Variants in ADAMTSL3 observed in about 807,000 individuals in gnomAD.
The protein encoded by ADAMTSL3 is ADAMTS like 3, also known as ADAMTS-like protein 3.
ADAMTSL3 carries 128 observed loss-of-function variants against 201.7 expected under a neutral mutation model. The ratio of observed to expected loss-of-function variants is 0.63; its 90% confidence interval spans 0.55 to 0.73. The LOEUF (loss-of-function observed/expected upper bound fraction) is 0.73. Ranked by LOEUF, ADAMTSL3 falls within the 30% of genes least tolerant of loss-of-function variation. ADAMTSL3 has a pLI of 0.00. For missense variants in ADAMTSL3, 1,990 were observed against 2,119.6 expected (o/e 0.94, Z 1.20); for synonymous variants, 738 against 748.4 (o/e 0.99, Z 0.23).
intron 2 of ADAMTSL3, among the ~76,000 whole-genome samples, chr15:83,703,580 G>A (rs1189466969): frequency 7.9e-5 from 12 of 152,200 alleles, no homozygotes; most frequent in African/African-American, 2.4e-4. Context: ...AGGGGTTTCC[G>A]CTTTTGCATC....
At position 83,662,450 on chromosome 15, in the gene ADAMTSL3, T is replaced by C. The variant is rs374005440; in HGVS notation, c.69+6620T>C. Reference sequence around the variant, plus strand: ...GGGTGGGGGGAGGGGGGGATAGCATTGGGAGATATACCTAATGCTAGATGA... The same window carrying C: ...GGGTGGGGGGAGGGGGGGATAGCATCGGGAGATATACCTAATGCTAGATGA... On this transcript the variant is annotated intron_variant, in intron 2 of 29. Coordinates refer to ENST00000286744, the MANE Select transcript of ADAMTSL3 (RefSeq NM_207517.3). 1.9e-4 allele frequency among the ~76,000 whole-genome samples: 27 copies of C among 143,784 alleles called. No individual in the cohort carries two copies. In the East Asian group the frequency reaches 3.8e-3, roughly 20 times the overall value. The allele number at this position is 143,784 out of a possible 152,430, so 94.3% of individuals were successfully genotyped here. A position where few individuals can be genotyped will look rare whatever the true frequency, so the allele number is the denominator to read the frequency against.
intron 3 of ADAMTSL3, among the ~76,000 whole-genome samples, chr15:83,770,269 A>T (rs1005891484): frequency 1.3e-5 from 2 of 152,234 alleles, no homozygotes; most frequent in Admixed American, 6.5e-5. Flanking sequence ...AAAAACCATG[A>T]AAGTTCAAAT....
chr15:83,759,617 C>T (rs555623542), intron 3 of ADAMTSL3, among the ~76,000 whole-genome samples: 1 of 152,160 alleles, frequency 6.6e-6, no homozygotes, highest in East Asian at 1.9e-4. Context: ...GATGAAGATT[C>T]GTATCCAAGT....
At chr15:83,903,917 C>CAAAAAAAAAAAAAAAAAAA (rs1168502648) in intron 15 of ADAMTSL3, among the ~76,000 whole-genome samples, 26 of 19,260 alleles carry the variant, frequency 1.3e-3, no homozygotes, top group South Asian at 5.6e-3. Context: ...GACTCCACAT[C>CAAAAAAAAAAAAAAAAAAA]AAAAAAAAAA....
At chr15:83,680,388 G>A (rs2061461776) in intron 2 of ADAMTSL3, among the ~76,000 whole-genome samples, 1 of 151,966 alleles carries the variant, frequency 6.6e-6, no homozygotes, top group South Asian at 2.1e-4. Context: ...TGATGGGCAA[G>A]GGGGACATGA....
chr15:83,829,477 G>T (rs935583113), intron 6 of ADAMTSL3, among the ~76,000 whole-genome samples: 4 of 152,010 alleles, frequency 2.6e-5, no homozygotes, highest in African/African-American at 9.7e-5. Flanking sequence ...CAAAAAACCA[G>T]CTCCTGGATT....
intron 2 of ADAMTSL3, among the ~76,000 whole-genome samples, chr15:83,686,550 C>T (rs890356571): frequency 1.3e-5 from 2 of 152,078 alleles, no homozygotes; most frequent in African/African-American, 4.8e-5. Context: ...ATGTGGTGTT[C>T]TTGCAGTTAG....
At chr15:83,801,643 TAA>T (rs375801139) in intron 4 of ADAMTSL3, among the ~76,000 whole-genome samples, 13,752 of 39,972 alleles carry the variant, frequency 0.34, 2,250 homozygotes, top group East Asian at 0.56. Flanking sequence ...TATAAATATA[TAA>T]ATATAAATAT....
chr15:84,001,599 G>A lies in ADAMTSL3; in HGVS notation c.3973+10385G>A, dbSNP rs528703490. On this transcript the variant is annotated intron_variant, in intron 23 of 29. Coordinates refer to ENST00000286744, the MANE Select transcript of ADAMTSL3 (RefSeq NM_207517.3). ...TTTGAGACAGCAGAATAGGCACCAC[G>A]CAGGAGGTCTGACCAGAGAGAAGAC... Among the ~76,000 whole-genome samples the A allele has an allele frequency of 3.9e-5, 6 of 152,318 alleles. No homozygotes were observed. The East Asian group carries it at 9.6e-4, about 24-fold the overall frequency.
intron 26 of ADAMTSL3, 36 bp downstream of exon 26, chr15:84,021,629 A>G (rs770044953): frequency 1.3e-5 from 20 of 1,596,728 alleles, no homozygotes; most frequent in Non-Finnish European, 1.6e-5. Flanking sequence ...CATCAACACC[A>G]AGTTTTTGTT....
intron 22 of ADAMTSL3, 143 bp from the exon 23 acceptor site, chr15:83,990,943 A>G (rs1476653956): frequency 8.6e-7 from 1 of 1,160,978 alleles, no homozygotes; most frequent in Non-Finnish European, 1.2e-6. Context: ...GCACATCCCC[A>G]CGGTGCACCT....
rs1430630482 is a variant in ADAMTSL3 at position 84,016,381 on chromosome 15, AG to A, written c.4157-1del. 3.7e-6 allele frequency: 6 copies of A among 1,607,974 alleles called. No homozygotes were observed. Among genetic ancestry groups the A allele is most frequent in the Non-Finnish European group, 5.1e-6 (6 of 1,177,674 alleles). On this transcript the variant is annotated splice_acceptor_variant, in intron 24 of 29. Transcript: ENST00000286744. LOFTEE classifies it high-confidence loss of function. ...AAAAGTGCTACTTTTTTTTTTCCTC[AG>A]AACGAAGATGGCCAGAGAGTAGAAT... is the stretch of plus-strand genomic sequence containing the variant.
At chr15:83,917,419 GTA>G (rs1567235099) in intron 16 of ADAMTSL3, among the ~76,000 whole-genome samples, 2,327 of 148,744 alleles carry the variant, frequency 0.016, 62 homozygotes, top group African/African-American at 0.053. Flanking sequence ...CAAAGTGTGT[GTA>G]TGTATGTATG....
At chr15:83,686,194 G>C in intron 2 of ADAMTSL3, among the ~76,000 whole-genome samples, 1 of 152,132 alleles carries the variant, frequency 6.6e-6, no homozygotes, top group South Asian at 2.1e-4. Context: ...TTTAAAGAAG[G>C]GTATAGACCG....
rs2141953717 is a variant in ADAMTSL3, at chr15:84,037,925, CAG to C, written c.*122_*123del. The C allele has an allele frequency of 2.9e-6, 4 of 1,400,930 alleles. No individual in the cohort carries two copies. The South Asian group carries it at 4.9e-5, about 17-fold the overall frequency. The allele number at this position is 1,400,930 out of a possible 1,614,324, so 86.8% of individuals were successfully genotyped here. A position where few individuals can be genotyped will look rare whatever the true frequency, so the allele number is the denominator to read the frequency against. The stretch of plus-strand genomic sequence containing the variant: ...AAAAGACTAGATTCTATGGATCAAA[CAG>C]AGGTTGATGCAAAAACACCACTGTT... On this transcript the variant is annotated 3_prime_UTR_variant, in exon 30 of 30. Transcript: ENST00000286744.
At chr15:83,702,984 A>G (rs1427763572) in intron 2 of ADAMTSL3, among the ~76,000 whole-genome samples, 1 of 152,126 alleles carries the variant, frequency 6.6e-6, no homozygotes, top group Non-Finnish European at 1.5e-5. Flanking sequence ...ATACCCTGAA[A>G]AGCCACAAGG....
rs1250759933 is a variant in ADAMTSL3, at chr15:83,890,099, A to G, written c.1073-10A>G. 1 of 1,605,882 alleles carries G rather than the reference A, an allele frequency of 6.2e-7. No homozygotes were observed. The highest frequency in any genetic ancestry group is 1.7e-5 in the Admixed American group (1 of 58,534). The stretch of plus-strand genomic sequence containing the variant: ...TGCAATATTCAGACTTGCCTTTTCT[A>G]ACACTTTAGGTTATCAGCTCAATTC... On this transcript the variant is annotated splice_polypyrimidine_tract_variant and intron_variant, in intron 10 of 29. Coordinates refer to ENST00000286744, the MANE Select transcript of ADAMTSL3 (RefSeq NM_207517.3).
chr15:83,832,027 G>A (rs541878236), intron 6 of ADAMTSL3, among the ~76,000 whole-genome samples: 6 of 152,288 alleles, frequency 3.9e-5, no homozygotes, highest in East Asian at 3.9e-4. Flanking sequence ...CAGATTGCTC[G>A]TGGACAAGGA....
intron 7 of ADAMTSL3, among the ~76,000 whole-genome samples, chr15:83,854,895 A>G (rs564003738): frequency 3.3e-5 from 5 of 152,184 alleles, no homozygotes; most frequent in Admixed American, 6.5e-5. Context: ...CTTTTGTCAT[A>G]ATTCCATTGA....
Sources: gnomAD v4.1 joint callset for allele counts (sites outside exome capture counted in the v4.1 genomes callset) on GRCh38, gnomAD v4.1.1 for gene constraint, MANE v1.5 for transcripts, NCBI Gene and HGNC (gene_info 2026-07-23, HGNC 2026-07-21) for gene names.